The following PTPN18 variants were observed in gnomAD, a reference collection of about 807,000 sequenced individuals.
PTPN18 encodes the protein protein tyrosine phosphatase non-receptor type 18.
Under a neutral mutation model 65.4 loss-of-function variants are expected in PTPN18, and 65 were observed. The observed-to-expected ratio is 0.99, with a 90% confidence interval of 0.81 to 1.22. The LOEUF is 1.22. Ranked by LOEUF, PTPN18 falls within the 50% of genes most tolerant of loss-of-function variation. The probability of loss-of-function intolerance (pLI) is 0.00; values close to 1 mark genes in which losing one functional copy is unlikely to be tolerated. For missense variants in PTPN18, 616 were observed against 646.5 expected (o/e 0.95, Z 0.51); for synonymous variants, 255 against 267.8 (o/e 0.95, Z 0.47).
At chr2:130,357,896 A>C (rs1680044387) in intron 1 of PTPN18, among the ~76,000 whole-genome samples, 1 of 152,022 alleles carries the variant, frequency 6.6e-6, no homozygotes, top group South Asian at 2.1e-4. Flanking sequence ...TTATAAACCT[A>C]AGTAATTTAC....
At chr2:130,368,218 A>T (rs13407656) in intron 5 of PTPN18, among the ~76,000 whole-genome samples, 241 of 151,938 alleles carry the variant, frequency 1.6e-3, no homozygotes, top group African/African-American at 5.7e-3. Context: ...CCTATTGACT[A>T]ATTTTTCTCC....
chr2:130,361,557 T>TCTTTCTTTCTTTC (rs1553458555), intron 5 of PTPN18, among the ~76,000 whole-genome samples: 349 of 78,438 alleles, frequency 4.4e-3, no homozygotes, highest in African/African-American at 6.0e-3. Flanking sequence ...TTTCTTTCTT[T>TCTTTCTTTCTTTC]CTTTCTTTCC....
Position 130,372,852 on chromosome 2 carries a change from TG to T in PTPN18, c.1241-15del, listed in dbSNP as rs550378079. Reference sequence around the variant, plus strand: ...CCCTGGGGCTTCCGGAGCTGACCCGTGGGGGGTCTGCTGCCCTCAGTTCCTG... The same window carrying T: ...CCCTGGGGCTTCCGGAGCTGACCCGTGGGGGTCTGCTGCCCTCAGTTCCTG... On this transcript the variant is annotated intron_variant, in intron 13 of 14. Transcript: ENST00000175756. 3 of 1,612,796 alleles carry T rather than the reference TG, an allele frequency of 1.9e-6. No individual in the cohort carries two copies. The highest frequency in any genetic ancestry group is 1.1e-5 in the South Asian group (1 of 91,070).
chr2:130,360,739 T>C (rs1262488661), intron 5 of PTPN18, among the ~76,000 whole-genome samples: 1 of 152,222 alleles, frequency 6.6e-6, no homozygotes, highest in Admixed American at 6.5e-5. Flanking sequence ...CAGCCAATCT[T>C]TGGACTAGAA....
chr2:130,364,492 G>T (rs572798688), intron 5 of PTPN18, among the ~76,000 whole-genome samples: 1 of 152,134 alleles, frequency 6.6e-6, no homozygotes, highest in African/African-American at 2.4e-5. Flanking sequence ...TGTAAATAAG[G>T]CGGCTACAAA....
At chr2:130,372,178 T>G (rs889816875) in intron 12 of PTPN18, 79 bp from the exon 13 acceptor site, 5 of 1,377,916 alleles carry the variant, frequency 3.6e-6, no homozygotes, top group Non-Finnish European at 4.9e-6. Flanking sequence ...AGCCCGTGGT[T>G]TGCGCGCTGA....
rs918795215 is a variant in PTPN18, at chr2:130,374,881, C to T, written c.*1657C>T. ...AATCAAGGAATGATGGGGATGTGTA[C>T]ATACCCCACCCCACCCCTTGGCAGG... On this transcript the variant is annotated 3_prime_UTR_variant, in exon 15 of 15. Transcript: ENST00000175756. 3.1e-5 allele frequency: 10 copies of T among 321,266 alleles called. No individual in the cohort carries two copies. The highest frequency in any genetic ancestry group is 5.6e-5 in the Non-Finnish European group (9 of 159,634). 19.9% of individuals were successfully genotyped at this position (321,266 alleles called of 1,614,324 possible).
At chr2:130,361,124 T>C (rs1680177560) in intron 5 of PTPN18, among the ~76,000 whole-genome samples, 1 of 152,268 alleles carries the variant, frequency 6.6e-6, no homozygotes, top group Non-Finnish European at 1.5e-5. Flanking sequence ...CTTTTATATC[T>C]TTACTGTATA....
intron 5 of PTPN18, among the ~76,000 whole-genome samples, chr2:130,367,727 G>A (rs1019585200): frequency 2.6e-5 from 4 of 151,924 alleles, no homozygotes; most frequent in Non-Finnish European, 4.4e-5. Flanking sequence ...ATCATGATCT[G>A]CCTTGGCGTG....
chr2:130,361,512 C>CTCTCTCTT (rs1553458520), intron 5 of PTPN18, among the ~76,000 whole-genome samples: 1 of 122,938 alleles, frequency 8.1e-6, no homozygotes, highest in East Asian at 2.5e-4. Context: ...TCTTTTCTTT[C>CTCTCTCTT]TCTTTCTTTC....
chr2:130,372,740 G>A, intron 13 of PTPN18, 133 bp from the exon 14 acceptor site: 1 of 1,125,864 alleles, frequency 8.9e-7, no homozygotes, highest in Non-Finnish European at 1.3e-6. Flanking sequence ...CACGTCCGGG[G>A]TGTGTGCCTT....
intron 5 of PTPN18, chr2:130,359,911 C>G (rs1680141980): frequency 1.9e-6 from 1 of 526,476 alleles, no homozygotes; most frequent in African/African-American, 1.9e-5. Context: ...CCTGTAGGCT[C>G]TGATCTCTCT....
At chr2:130,357,683 C>T (rs190925811) in intron 1 of PTPN18, among the ~76,000 whole-genome samples, 8 of 152,120 alleles carry the variant, frequency 5.3e-5, no homozygotes, top group East Asian at 3.9e-4. Flanking sequence ...GGTGAAACCC[C>T]GTCTCTACTA....
chr2:130,361,572 T>TTTCTTTCTTTCTTTCTTTCTTTC, intron 5 of PTPN18, among the ~76,000 whole-genome samples: 1 of 146,570 alleles, frequency 6.8e-6, no homozygotes, highest in African/African-American at 2.7e-5. Context: ...CTTTCCTTTC[T>TTTCTTTCTTTCTTTCTTTCTTTC]TTCCTTTCTT....
chr2:130,374,370 G>T lies in PTPN18; in HGVS notation c.*1146G>T. On this transcript the variant is annotated 3_prime_UTR_variant, in exon 15 of 15. Transcript: ENST00000175756. ...TTTTTAAGAAATGAGTTTTTGCCAT[G>T]TTGCCCAGACTGGTCTTGAACTCCC... is the stretch of plus-strand genomic sequence containing the variant. The T allele has an allele frequency of 9.0e-6, 2 of 222,698 alleles. No individual in the cohort carries two copies. Among genetic ancestry groups the T allele is most frequent in the South Asian group, 5.9e-5 (1 of 17,010 alleles). The allele number at this position is 222,698 out of a possible 1,614,324, so 13.8% of individuals were successfully genotyped here.
rs367565886 is a variant in PTPN18, at chr2:130,374,477, T to C, written c.*1253T>C. On this transcript the variant is annotated 3_prime_UTR_variant, in exon 15 of 15. Transcript: ENST00000175756. Reference sequence around the variant, plus strand: ...GCCACCAGGCTCAGCCCCCTAAGATTTGAAACACTTTAAATGGCCCATGGT... The same window carrying C: ...GCCACCAGGCTCAGCCCCCTAAGATCTGAAACACTTTAAATGGCCCATGGT... The C allele has an allele frequency of 4.9e-5, 18 of 365,078 alleles. No homozygotes were observed. The highest frequency in any genetic ancestry group is 6.4e-5 in the African/African-American group (3 of 47,102). 22.6% of individuals were successfully genotyped at this position (365,078 alleles called of 1,614,324 possible).
At chr2:130,358,799 C>T in intron 1 of PTPN18, 68 bp from the exon 2 acceptor site, 1 of 1,358,358 alleles carries the variant, frequency 7.4e-7, no homozygotes, top group Non-Finnish European at 1.0e-6. Context: ...GCCTAGGTGG[C>T]CTGGGACTCT....
rs778601247 is a variant in PTPN18, at chr2:130,370,175, T to A, written c.674T>A (p.Leu225His). 10 of 1,612,010 alleles carry A rather than the reference T, an allele frequency of 6.2e-6. No individual in the cohort carries two copies. The highest frequency in any genetic ancestry group is 8.5e-6 in the Non-Finnish European group (10 of 1,179,998). ...CTCCAGGGATCTGGCCCTGAACCCC[T>A]CTGTGTCCACTGCAGGTTTTGGAAA... ...RRLQGSGPEP[L>H]CVHCSAGCGR... Residue 225 changes from leucine (L) to histidine (H), a missense_variant, in exon 8 of 15, where the codon CTC becomes CAC. Physicochemically the swap from Leu to His is moderately conservative, Grantham distance 99. This residue lies in a region of PTPN18 where 368 missense variants were observed against 386.7 expected (regional missense o/e 0.95). Transcript: ENST00000175756.
rs1234325527 is a variant in PTPN18 at position 130,361,561 on chromosome 2, TCTTTCCTTTCTTTC to T, written c.414+1921_414+1934del. Among the ~76,000 whole-genome samples the T allele has an allele frequency of 5.9e-4, 83 of 139,570 alleles. 1 individual carries two copies. The highest frequency in any genetic ancestry group is 2.1e-3 in the African/African-American group (76 of 36,434). 91.6% of individuals were successfully genotyped at this position (139,570 alleles called of 152,430 possible). On this transcript the variant is annotated intron_variant, in intron 5 of 14. Coordinates refer to ENST00000175756, the MANE Select transcript of PTPN18 (RefSeq NM_014369.4). ...TTCTTTCTTTCTTTCTTTCTTTCTT[TCTTTCCTTTCTTTC>T]CTTTCTTTCCTTTCTTTCTTTCTGT...
Sources: allele counts gnomAD v4.1 joint callset (sites outside exome capture counted in the v4.1 genomes callset), GRCh38; gene constraint gnomAD v4.1.1; regional missense constraint gnomAD v4.1.1; transcripts MANE v1.5; gene names NCBI Gene and HGNC (gene_info 2026-07-23, HGNC 2026-07-21).